The following ASCC3 variants were observed in gnomAD, a reference collection of about 807,000 sequenced individuals.
The protein encoded by ASCC3 is activating signal cointegrator 1 complex subunit 3.
Under a neutral mutation model 256.3 loss-of-function variants are expected in ASCC3, and 158 were observed. The ratio of observed to expected loss-of-function variants is 0.62; its 90% CI spans 0.54 to 0.70. ASCC3 has a LOEUF of 0.70. Among genes scored for constraint, ASCC3 ranks in the 30% least tolerant of loss-of-function variants. The pLI is 0.00. For missense variants in ASCC3, 2,259 were observed against 2,626.0 expected (o/e 0.86, Z 3.05); for synonymous variants, 948 against 883.4 (o/e 1.07, Z -1.30).
intron 4 of ASCC3, among the ~76,000 whole-genome samples, chr6:100,813,658 A>C (rs1335801567): frequency 6.6e-6 from 1 of 152,006 alleles, no homozygotes; most frequent in Non-Finnish European, 1.5e-5. Context: ...TTTGTGTATA[A>C]GCAAAGTACC....
Position 100,640,099 on chromosome 6 carries a change from AGT to A in ASCC3, c.3902-1280_3902-1279del, listed in dbSNP as rs1235822043. 2.0e-5 allele frequency among the ~76,000 whole-genome samples: 3 copies of A among 152,170 alleles called. No homozygotes were observed. The East Asian group carries it at 5.8e-4, about 29-fold the overall frequency. ...CACTTCACTTCAGCCTGGGTGAAAG[AGT>A]GAAACTCTGTCTCACAAATAAAATA... is the stretch of plus-strand genomic sequence containing the variant. On this transcript the variant is annotated intron_variant, in intron 24 of 41. Transcript: ENST00000369162.
chr6:100,627,603 C>T lies in ASCC3; in HGVS notation c.4629G>A (p.Lys1543=). The change falls in exon 29 of 42, where the codon AAG becomes AAA. Residue 1543 remains lysine (K), a synonymous_variant. Coordinates refer to ENST00000369162, the MANE Select transcript of ASCC3 (RefSeq NM_006828.4). ...TCTGAAGCTTACCCTGAAATGCAGG[C>T]TTGTTCATACTAGCCATACGAGGAC... ...HYCPRMASMN[K]PAFQAIRSHS... is the part of the protein sequence containing the mutation. The T allele has an allele frequency of 6.2e-7, 1 of 1,613,404 alleles. No individual in the cohort carries two copies. Among genetic ancestry groups the T allele is most frequent in the Non-Finnish European group, 8.5e-7 (1 of 1,179,652 alleles).
intron 10 of ASCC3, among the ~76,000 whole-genome samples, chr6:100,733,653 G>A (rs183271712): frequency 4.4e-4 from 67 of 152,184 alleles, no homozygotes; most frequent in Non-Finnish European, 3.2e-4. Flanking sequence ...AACAATAAAC[G>A]AACTAAGAGA....
At chr6:100,834,265 T>C (rs781431597) in intron 4 of ASCC3, among the ~76,000 whole-genome samples, 2 of 152,206 alleles carry the variant, frequency 1.3e-5, no homozygotes, top group Non-Finnish European at 2.9e-5. Flanking sequence ...TCACATACAA[T>C]AAAAATGCTT....
chr6:100,855,008 C>T (rs906651352), intron 3 of ASCC3, among the ~76,000 whole-genome samples: 4 of 152,018 alleles, frequency 2.6e-5, no homozygotes, highest in African/African-American at 9.7e-5. Flanking sequence ...TTTTAAAATG[C>T]CTCTACTAAG....
Position 100,650,695 on chromosome 6 carries a change from T to G in ASCC3, c.3095A>C (p.Glu1032Ala). The G allele has an allele frequency of 6.2e-7, 1 of 1,610,904 alleles. No individual in the cohort carries two copies. The highest frequency in any genetic ancestry group is 8.5e-7 in the Non-Finnish European group (1 of 1,177,636). Residue 1032 changes from glutamate (E) to alanine (A), a missense_variant, in exon 20 of 42, where the codon GAG (glutamate) becomes GCG (alanine). This residue lies in a region of ASCC3 where 1,839 missense variants were observed against 2,206.7 expected (regional missense o/e 0.83). Coordinates refer to ENST00000369162, the MANE Select transcript of ASCC3 (RefSeq NM_006828.4). Reference sequence around the variant, plus strand: ...ATTGCTTAATAAGGTATCTAACTCCTCTATTTCCTCTTCTCTGACCTAGAA... The same window carrying G: ...ATTGCTTAATAAGGTATCTAACTCCGCTATTTCCTCTTCTCTGACCTAGAA... ...DQIKVREEEIEELDTLLSNFC... is the reference protein window; with the variant it reads ...DQIKVREEEIAELDTLLSNFC...
At chr6:100,833,480 T>C (rs920986722) in intron 4 of ASCC3, among the ~76,000 whole-genome samples, 6 of 152,166 alleles carry the variant, frequency 3.9e-5, no homozygotes, top group African/African-American at 1.4e-4. Context: ...CTAATAATAA[T>C]GTGTAAATAT....
At position 100,666,814 on chromosome 6, in the gene ASCC3, C is replaced by A. The variant is rs548867613; in HGVS notation, c.2287-4278G>T. 2.6e-5 allele frequency among the ~76,000 whole-genome samples: 4 copies of A among 152,100 alleles called. No individual in the cohort carries two copies. In the South Asian group the frequency reaches 8.3e-4, roughly 32 times the overall value. On this transcript the variant is annotated intron_variant, in intron 14 of 41. Coordinates refer to ENST00000369162, the MANE Select transcript of ASCC3 (RefSeq NM_006828.4). The stretch of plus-strand genomic sequence containing the variant: ...ATTATTTACATTCCTAAGAAGAGTA[C>A]CTCCTAACAAATTTATGAAACATGA...
rs572976132 is a variant in ASCC3, at chr6:100,589,728, G to A, written c.5456C>T (p.Ala1819Val). 2.4e-5 allele frequency: 38 copies of A among 1,613,674 alleles called. No homozygotes were observed. In the South Asian group the frequency reaches 3.7e-4, roughly 16 times the overall value. The part of the protein sequence containing the change: ...SIEPLTYGRI[A>V]SYYYLKHQTV... ...TTGATGCTTCAAATAGTAATAGGAG[G>A]CAATTCGGCCATAAGTTAGAGGTTC... Residue 1819 changes from alanine (A) to valine (V), a missense_variant, in exon 36 of 42, where the codon GCC becomes GTC. Transcript: ENST00000369162.
At chr6:100,785,356 TTA>T (rs1295411428) in intron 8 of ASCC3, among the ~76,000 whole-genome samples, 2 of 152,264 alleles carry the variant, frequency 1.3e-5, no homozygotes, top group East Asian at 1.9e-4. Context: ...TCATATATTT[TTA>T]TGTTACTTAA....
Position 100,842,121 on chromosome 6 carries a change from A to G in ASCC3, c.801+6027T>C, listed in dbSNP as rs534849682. On this transcript the variant is annotated intron_variant, in intron 4 of 41. Coordinates refer to ENST00000369162, the MANE Select transcript of ASCC3 (RefSeq NM_006828.4). ...AGCTGAAAGGACACTTTTAATTCCA[A>G]TCTGGCTGATATGATATCATAGCTC... Among the ~76,000 whole-genome samples the G allele has an allele frequency of 2.0e-5, 3 of 152,356 alleles. No individual in the cohort carries two copies. In the East Asian group the frequency reaches 5.8e-4, roughly 29 times the overall value.
chr6:100,508,809 G>C lies in ASCC3; in HGVS notation c.*577C>G, dbSNP rs936413503. On this transcript the variant is annotated 3_prime_UTR_variant, in exon 42 of 42. Coordinates refer to ENST00000369162, the MANE Select transcript of ASCC3 (RefSeq NM_006828.4). ...CTAAGATCAGTATATTGTTTTCTTT[G>C]TTATCATCATTAGGCTCCATAATAT... 1 of 153,094 alleles carries C rather than the reference G, an allele frequency of 6.5e-6. No individual in the cohort carries two copies. The highest frequency in any genetic ancestry group is 2.4e-5 in the African/African-American group (1 of 41,512). 9.5% of individuals were successfully genotyped at this position (153,094 alleles called of 1,614,324 possible).
At chr6:100,722,081 G>C (rs1374529496) in intron 11 of ASCC3, among the ~76,000 whole-genome samples, 2 of 151,616 alleles carry the variant, frequency 1.3e-5, no homozygotes, top group Non-Finnish European at 3.0e-5. Context: ...ATTATTTATT[G>C]AAGAGGGAGT....
chr6:100,644,242 T>C, intron 22 of ASCC3, 113 bp from the exon 23 acceptor site: 1 of 758,044 alleles, frequency 1.3e-6, no homozygotes, highest in South Asian at 1.5e-5. Flanking sequence ...TTACAAAGTT[T>C]ACTCATTTAA....
chr6:100,817,706 C>T (rs1325761214), intron 4 of ASCC3, among the ~76,000 whole-genome samples: 1 of 152,070 alleles, frequency 6.6e-6, no homozygotes, highest in Non-Finnish European at 1.5e-5. Context: ...AAGCTACACA[C>T]TACCAAAACC....
chr6:100,588,715 A>C (rs796155240), intron 36 of ASCC3, among the ~76,000 whole-genome samples: 22 of 152,264 alleles, frequency 1.4e-4, no homozygotes, highest in African/African-American at 5.3e-4. Flanking sequence ...CAAAATTTAC[A>C]AACTAGTTTC....
chr6:100,561,320 C>T (rs1399295045), intron 36 of ASCC3, among the ~76,000 whole-genome samples: 1 of 152,094 alleles, frequency 6.6e-6, no homozygotes, highest in Non-Finnish European at 1.5e-5. Flanking sequence ...CATAAATGCA[C>T]ATACATATAT....
chr6:100,627,671 GA>G lies in ASCC3; in HGVS notation c.4560del (p.Pro1521HisfsTer21), dbSNP rs1312523939. ...AAGCCTTGAATGTGAACTTCCAGTG[GA>G]ACTGGGCGTACTGATGGTCGGAAGT... ...LFNFRPSVRP[V>X]PLEVHIQGFP... On this transcript the variant is annotated frameshift_variant, in exon 29 of 42. Coordinates refer to ENST00000369162, the MANE Select transcript of ASCC3 (RefSeq NM_006828.4). LOFTEE classifies it high-confidence loss of function. 1 of 1,613,462 alleles carries G rather than the reference GA, an allele frequency of 6.2e-7. No individual in the cohort carries two copies. Among genetic ancestry groups the G allele is most frequent in the African/African-American group, 1.3e-5 (1 of 74,888 alleles).
At chr6:100,870,270 A>T (rs992842736) in intron 1 of ASCC3, among the ~76,000 whole-genome samples, 20 of 151,876 alleles carry the variant, frequency 1.3e-4, no homozygotes, top group African/African-American at 4.8e-4. Flanking sequence ...AGGCTGATGC[A>T]TGAGAATCGC....
Sources: gnomAD v4.1 joint callset for allele counts (sites outside exome capture counted in the v4.1 genomes callset) on GRCh38, gnomAD v4.1.1 for gene constraint, gnomAD v4.1.1 regional missense constraint, MANE v1.5 for transcripts, NCBI Gene and HGNC (gene_info 2026-07-23, HGNC 2026-07-21) for gene names.